SGK3: variants seen among roughly 807,000 people sequenced by gnomAD.
SGK3 encodes serine/threonine-protein kinase Sgk3.
SGK3 carries 47 observed loss-of-function variants against 68.5 expected under a neutral mutation model. The observed-to-expected ratio is 0.69, with a 90% CI of 0.54 to 0.87. SGK3 has a LOEUF of 0.87. Among genes scored for constraint, SGK3 ranks in the 40% least tolerant of loss-of-function variants. The pLI is 0.00. For missense variants in SGK3, 479 were observed against 575.5 expected (o/e 0.83, Z 1.72); for synonymous variants, 181 against 189.1 (o/e 0.96, Z 0.35).
Position 66,798,560 on chromosome 8 carries a change from T to C in SGK3, c.115T>C (p.Ser39Pro), listed in dbSNP as rs1298156892. 50 of 1,611,130 alleles carry C rather than the reference T, an allele frequency of 3.1e-5. No homozygotes were observed. The highest frequency in any genetic ancestry group is 4.2e-5 in the Non-Finnish European group (50 of 1,178,370). The change falls in exon 3 of 17, where the codon TCA (serine) becomes CCA (proline). Residue 39 changes from serine (S) to proline (P), a missense_variant. Ser to Pro is a moderately conservative substitution (Grantham distance 74). This residue lies in a region of SGK3 where 298 missense variants were observed against 329.4 expected (regional missense o/e 0.90). Coordinates refer to ENST00000521198, the MANE Select transcript of SGK3 (RefSeq NM_001033578.3). ...TCCACAGGTTTATAAAGTTCTGGTT[T>C]CAGTGGGAAGAAGTGAATGGTTTGT... ...KRFTVYKVLV[S>P]VGRSEWFVFR...
intron 1 of SGK3, among the ~76,000 whole-genome samples, chr8:66,783,162 A>C (rs1342853896): frequency 6.6e-6 from 1 of 152,190 alleles, no homozygotes; most frequent in Non-Finnish European, 1.5e-5. Context: ...CTGGATTCTG[A>C]CCATTTCTGA....
At chr8:66,780,000 G>A (rs1438221880) in intron 1 of SGK3, among the ~76,000 whole-genome samples, 1 of 152,028 alleles carries the variant, frequency 6.6e-6, no homozygotes, top group Admixed American at 6.5e-5. Flanking sequence ...CCTTAGTTAA[G>A]TGTGTTATCA....
intron 1 of SGK3, among the ~76,000 whole-genome samples, chr8:66,777,560 A>T (rs1284926194): frequency 6.6e-6 from 1 of 152,208 alleles, no homozygotes; most frequent in African/African-American, 2.4e-5. Flanking sequence ...TGTACCCCAC[A>T]TGCAAATAGC....
chr8:66,746,006 T>C (rs1344578654), intron 1 of SGK3, among the ~76,000 whole-genome samples: 1 of 152,154 alleles, frequency 6.6e-6, no homozygotes, highest in African/African-American at 2.4e-5. Context: ...GTTCAAGCCA[T>C]AGCAGATTTA....
At chr8:66,826,351 T>C (rs557090787) in intron 6 of SGK3, among the ~76,000 whole-genome samples, 1 of 152,330 alleles carries the variant, frequency 6.6e-6, no homozygotes, top group African/African-American at 2.4e-5. Flanking sequence ...AAGAAGTGTA[T>C]TGAAATTACA....
chr8:66,839,538 TA>T (rs1809699602), intron 10 of SGK3, among the ~76,000 whole-genome samples: 2 of 95,074 alleles, frequency 2.1e-5, no homozygotes, highest in African/African-American at 4.7e-5. Flanking sequence ...TATATATATA[TA>T]TATATATATA....
At chr8:66,839,963 A>C in intron 10 of SGK3, 40 bp from the exon 11 acceptor site, 38 of 1,510,008 alleles carry the variant, frequency 2.5e-5, no homozygotes, top group Non-Finnish European at 3.2e-5. Flanking sequence ...GAATGATCCT[A>C]ACATTCTCTC....
intron 1 of SGK3, among the ~76,000 whole-genome samples, chr8:66,757,788 A>C (rs1806025531): frequency 6.6e-6 from 1 of 150,992 alleles, no homozygotes; most frequent in Admixed American, 6.6e-5. Context: ...GGTGGCGGGC[A>C]CCTGTAATCC....
intron 2 of SGK3, among the ~76,000 whole-genome samples, chr8:66,796,805 C>G (rs747998452): frequency 1.3e-5 from 2 of 152,052 alleles, no homozygotes; most frequent in Non-Finnish European, 2.9e-5. Context: ...GACGTTAACC[C>G]TAGCTCTCAA....
intron 1 of SGK3, among the ~76,000 whole-genome samples, chr8:66,735,170 C>A: frequency 6.6e-6 from 1 of 152,172 alleles, no homozygotes; most frequent in East Asian, 1.9e-4. Flanking sequence ...TGGTTTCAGG[C>A]ATCCACTGGC....
At chr8:66,803,187 AAAC>A (rs1290672860) in intron 3 of SGK3, among the ~76,000 whole-genome samples, 2 of 152,144 alleles carry the variant, frequency 1.3e-5, no homozygotes, top group African/African-American at 4.8e-5. Flanking sequence ...TGTGTATGAA[AAAC>A]AACAAGGTCA....
intron 3 of SGK3, among the ~76,000 whole-genome samples, chr8:66,802,713 G>A (rs1173808968): frequency 6.6e-6 from 1 of 151,424 alleles, no homozygotes; most frequent in Non-Finnish European, 1.5e-5. Flanking sequence ...GGGAGGGAAG[G>A]GGAGGGGGCG....
chr8:66,722,154 G>A (rs765595952), intron 1 of SGK3, among the ~76,000 whole-genome samples: 1 of 152,166 alleles, frequency 6.6e-6, no homozygotes, highest in Admixed American at 6.6e-5. Flanking sequence ...GTAAAGGTGC[G>A]TGGGCCAGAT....
chr8:66,736,899 A>AT lies in SGK3; in HGVS notation c.-122+24067dup, dbSNP rs200948924. Among the ~76,000 whole-genome samples, 1,130 of 151,530 alleles carry AT rather than the reference A, an allele frequency of 7.5e-3. 49 individuals are homozygous for AT. Among genetic ancestry groups the AT allele is most frequent in the East Asian group, 8.1e-3 (42 of 5,166 alleles). ...CTCCCAAAGTGCTGGGATTACAGGC[A>AT]TGAGCCACCGTGCCCGGCCCACCCA... On this transcript the variant is annotated intron_variant, in intron 1 of 16. Coordinates refer to ENST00000521198, the MANE Select transcript of SGK3 (RefSeq NM_001033578.3).
At chr8:66,844,790 C>T (rs889736930) in intron 14 of SGK3, among the ~76,000 whole-genome samples, 4 of 152,292 alleles carry the variant, frequency 2.6e-5, no homozygotes, top group Admixed American at 6.5e-5. Flanking sequence ...CATTTCAGAG[C>T]GTTTGTTTTA....
chr8:66,826,778 G>A (rs1809075728), intron 6 of SGK3, among the ~76,000 whole-genome samples: 1 of 151,964 alleles, frequency 6.6e-6, no homozygotes, highest in South Asian at 2.1e-4. Flanking sequence ...TCGAGTAGCT[G>A]GGATTACAGG....
At chr8:66,829,317 GT>G (rs1426024204) in intron 7 of SGK3, among the ~76,000 whole-genome samples, 2 of 151,708 alleles carry the variant, frequency 1.3e-5, no homozygotes, top group African/African-American at 2.4e-5. Context: ...ACTCTGAAGT[GT>G]TTTTTTATTC....
chr8:66,772,405 T>G (rs1395791421), intron 1 of SGK3, among the ~76,000 whole-genome samples: 1 of 150,634 alleles, frequency 6.6e-6, no homozygotes, highest in East Asian at 2.0e-4. Flanking sequence ...TATTCTTTTT[T>G]TTTTTTTGAG....
chr8:66,794,118 C>A (rs574714708), intron 2 of SGK3, among the ~76,000 whole-genome samples: 2 of 152,322 alleles, frequency 1.3e-5, no homozygotes, highest in East Asian at 3.9e-4. Context: ...GATCTATGCA[C>A]ACACTTATAA....
Sources: gnomAD v4.1 joint callset for allele counts (sites outside exome capture counted in the v4.1 genomes callset) on GRCh38, gnomAD v4.1.1 for gene constraint, gnomAD v4.1.1 regional missense constraint, MANE v1.5 for transcripts, NCBI Gene and HGNC (gene_info 2026-07-23, HGNC 2026-07-21) for gene names.